GRID2: variants seen among roughly 807,000 people sequenced by gnomAD.
GRID2 encodes the protein glutamate receptor ionotropic, delta-2.
Under a neutral mutation model 114.8 loss-of-function variants are expected in GRID2, and 33 were observed. The ratio of observed to expected loss-of-function variants is 0.29; its 90% confidence interval spans 0.22 to 0.38. The LOEUF (loss-of-function observed/expected upper bound fraction) is 0.38. Ranked by LOEUF, GRID2 falls within the 10% of genes least tolerant of loss-of-function variation. The pLI, the probability that GRID2 is intolerant of heterozygous loss-of-function variation, is 1.00. For missense variants in GRID2, 1,184 were observed against 1,257.7 expected (o/e 0.94, Z 0.89); for synonymous variants, 505 against 449.9 (o/e 1.12, Z -1.55).
At chr4:92,999,008 G>T (rs1755376488) in intron 2 of GRID2, among the ~76,000 whole-genome samples, 1 of 151,628 alleles carries the variant, frequency 6.6e-6, no homozygotes. Flanking sequence ...AATGTTCTTT[G>T]TGACAATATT....
intron 1 of GRID2, among the ~76,000 whole-genome samples, chr4:92,381,675 A>G (rs938740275): frequency 2.6e-5 from 4 of 151,940 alleles, no homozygotes; most frequent in Non-Finnish European, 5.9e-5. Context: ...ATTAACCATC[A>G]CCATATGGAA....
intron 4 of GRID2, among the ~76,000 whole-genome samples, chr4:93,150,678 C>T (rs973330270): frequency 1.3e-5 from 2 of 151,790 alleles, no homozygotes; most frequent in South Asian, 2.1e-4. Flanking sequence ...TGTCTGTGTC[C>T]TCTCTGAAAT....
At chr4:93,708,055 A>G (rs1282299956) in intron 14 of GRID2, among the ~76,000 whole-genome samples, 1 of 152,036 alleles carries the variant, frequency 6.6e-6, no homozygotes, top group African/African-American at 2.4e-5. Flanking sequence ...CAGAAAAGAT[A>G]CTTGATATGA....
intron 2 of GRID2, among the ~76,000 whole-genome samples, chr4:92,774,466 G>A (rs1309904988): frequency 6.6e-6 from 1 of 151,738 alleles, no homozygotes; most frequent in African/African-American, 2.4e-5. Flanking sequence ...ATGCTACTGA[G>A]GTACTTTACT....
intron 1 of GRID2, among the ~76,000 whole-genome samples, chr4:92,371,872 A>G (rs1182597025): frequency 1.3e-5 from 2 of 152,206 alleles, no homozygotes; most frequent in Admixed American, 1.3e-4. Context: ...TTACCATTCA[A>G]GATGCCACTG....
chr4:92,673,021 C>T (rs1423937080), intron 2 of GRID2, among the ~76,000 whole-genome samples: 6 of 152,116 alleles, frequency 3.9e-5, no homozygotes, highest in African/African-American at 9.7e-5. Context: ...CTCTTATCTT[C>T]GTAAGATTTA....
At chr4:93,475,445 A>C (rs1725233171) in intron 11 of GRID2, among the ~76,000 whole-genome samples, 1 of 152,106 alleles carries the variant, frequency 6.6e-6, no homozygotes, top group African/African-American at 2.4e-5. Context: ...TATGCTCAAT[A>C]AAGTCATTTT....
At chr4:93,010,296 T>G (rs1406106148) in intron 2 of GRID2, among the ~76,000 whole-genome samples, 8 of 152,070 alleles carry the variant, frequency 5.3e-5, no homozygotes, top group Admixed American at 5.2e-4. Flanking sequence ...TCATTAATAT[T>G]TTTGAGAGAG....
intron 4 of GRID2, among the ~76,000 whole-genome samples, chr4:93,154,797 A>G (rs539368373): frequency 6.6e-6 from 1 of 151,658 alleles, no homozygotes; most frequent in African/African-American, 2.4e-5. Flanking sequence ...ACCACCACCA[A>G]CAAAAAACCC....
At chr4:92,835,691 A>C (rs986308887) in intron 2 of GRID2, among the ~76,000 whole-genome samples, 10 of 152,162 alleles carry the variant, frequency 6.6e-5, no homozygotes, top group African/African-American at 2.4e-4. Context: ...ATTTGAGAAT[A>C]ATTAGATAAA....
rs76299358 is a variant in GRID2, at chr4:93,704,596, C to A, written c.2361-64614C>A. ...TTGAACTCATTAATTATCCCCACTT[C>A]CCTTCTTCCCACCACTACCCTCCCC... On this transcript the variant is annotated intron_variant, in intron 14 of 15. Coordinates refer to ENST00000282020, the MANE Select transcript of GRID2 (RefSeq NM_001510.4). 7.0e-3 allele frequency among the ~76,000 whole-genome samples: 1,070 copies of A among 152,252 alleles called. 15 individuals are homozygous for A. The highest frequency in any genetic ancestry group is 0.024 in the African/African-American group (994 of 41,540).
intron 2 of GRID2, among the ~76,000 whole-genome samples, chr4:93,062,728 A>T (rs1727916252): frequency 6.6e-6 from 1 of 152,028 alleles, no homozygotes; most frequent in African/African-American, 2.4e-5. Context: ...TTTAAAGTCA[A>T]TTCAACATTT....
chr4:92,749,680 A>G (rs1290299088), intron 2 of GRID2, among the ~76,000 whole-genome samples: 3 of 152,154 alleles, frequency 2.0e-5, no homozygotes, highest in East Asian at 1.9e-4. Flanking sequence ...GATTAGTTCC[A>G]CATAATGGCA....
intron 2 of GRID2, among the ~76,000 whole-genome samples, chr4:93,083,716 A>G (rs1452969815): frequency 1.3e-5 from 2 of 151,826 alleles, no homozygotes; most frequent in East Asian, 3.9e-4. Context: ...AAAAAAAAAA[A>G]AATACATCCT....
Position 93,027,147 on chromosome 4 carries a change from G to GT in GRID2, c.245-57841dup, listed in dbSNP as rs1290832309. 3.3e-5 allele frequency among the ~76,000 whole-genome samples: 5 copies of GT among 152,034 alleles called. No individual in the cohort carries two copies. The East Asian group carries it at 9.7e-4, about 29-fold the overall frequency. ...TTTGAACTATATGTGTGGAAGCAGT[G>GT]TTTTTTTGGTAGTGGTGATTTATTT... On this transcript the variant is annotated intron_variant, in intron 2 of 15. Transcript: ENST00000282020.
At chr4:93,035,367 A>G (rs1724840265) in intron 2 of GRID2, among the ~76,000 whole-genome samples, 1 of 151,736 alleles carries the variant, frequency 6.6e-6, no homozygotes, top group African/African-American at 2.4e-5. Flanking sequence ...GCCCTCCTAG[A>G]CCTCCCGTAC....
intron 1 of GRID2, among the ~76,000 whole-genome samples, chr4:92,472,753 T>C (rs1343644846): frequency 6.6e-6 from 1 of 152,158 alleles, no homozygotes; most frequent in Non-Finnish European, 1.5e-5. Flanking sequence ...AAGTTTTGCC[T>C]GTCTTAAAAT....
At chr4:92,497,339 T>C (rs1025818771) in intron 1 of GRID2, among the ~76,000 whole-genome samples, 4 of 151,872 alleles carry the variant, frequency 2.6e-5, no homozygotes, top group Admixed American at 2.6e-4. Flanking sequence ...CATAAGGTTT[T>C]ACCATCTGTG....
intron 2 of GRID2, among the ~76,000 whole-genome samples, chr4:92,933,811 A>G (rs991804728): frequency 1.3e-5 from 2 of 151,638 alleles, no homozygotes; most frequent in Admixed American, 6.6e-5. Context: ...TAATTATTTT[A>G]TCTTTGATTA....
Sources: gnomAD v4.1 joint callset for allele counts (sites outside exome capture counted in the v4.1 genomes callset) on GRCh38, gnomAD v4.1.1 for gene constraint, MANE v1.5 for transcripts, NCBI Gene and HGNC (gene_info 2026-07-23, HGNC 2026-07-21) for gene names.